Variants in ZNF655 observed in about 807,000 individuals in gnomAD.
The protein encoded by ZNF655 is Vav-interacting Kruppel-like protein 1.
ZNF655 carries 3 observed loss-of-function variants against 6.6 expected under a neutral mutation model. That is an observed-to-expected ratio of 0.46 (90% CI 0.21 to 1.18). ZNF655 has a LOEUF of 1.18. Among genes scored for constraint, ZNF655 ranks in the 50% most tolerant of loss-of-function variants. ZNF655 has a pLI of 0.24. For synonymous variants in ZNF655, 178 were observed against 195.0 expected (o/e 0.91, Z 0.73); for missense variants, 526 against 572.3 (o/e 0.92, Z 0.83).
chr7:99,571,385 A>T (rs1051406372), intron 2 of ZNF655: 7 of 1,237,548 alleles, frequency 5.7e-6, no homozygotes, highest in Middle Eastern at 2.2e-4. Context: ...TTTAGGTAAC[A>T]GATGGAGAGT....
Position 99,573,637 on chromosome 7 carries a change from G to C in ZNF655, c.*53G>C. ...CAAATTCAGGCTTCATTCAGCATCT[G>C]AGAGTTCACACCAGGGAGAAATCAT... On this transcript the variant is annotated 3_prime_UTR_variant, in exon 3 of 3. Transcript: ENST00000252713. The C allele has an allele frequency of 6.4e-7, 1 of 1,554,996 alleles. No homozygotes were observed. Among genetic ancestry groups the C allele is most frequent in the South Asian group, 1.2e-5 (1 of 82,218 alleles).
intron 2 of ZNF655, among the ~76,000 whole-genome samples, chr7:99,561,388 G>C: frequency 6.6e-6 from 1 of 152,020 alleles, no homozygotes; most frequent in East Asian, 1.9e-4. Context: ...GTGCTGTGGG[G>C]GATTGTGGGA....
Position 99,572,720 on chromosome 7 carries a change from C to T in ZNF655, c.612C>T (p.Ser204=). The T allele has an allele frequency of 6.2e-7, 1 of 1,613,162 alleles. No individual in the cohort carries two copies. Among genetic ancestry groups the T allele is most frequent in the African/African-American group, 1.3e-5 (1 of 74,992 alleles). Residue 204 remains serine (S), a synonymous_variant, in exon 3 of 3, where the codon AGC becomes AGT. Coordinates refer to ENST00000252713, the MANE Select transcript of ZNF655 (RefSeq NM_138494.3). ...MDLSHLNKWE[S]IPNTEKSYKC... The stretch of plus-strand genomic sequence containing the variant: ...TCTCCCACCTTAATAAATGGGAGAG[C>T]ATCCCTAACACTGAGAAATCCTATA...
Position 99,573,397 on chromosome 7 carries a change from A to C in ZNF655, c.1289A>C (p.His430Pro). 1.2e-6 allele frequency: 2 copies of C among 1,614,204 alleles called. No individual in the cohort carries two copies. Among genetic ancestry groups the C allele is most frequent in the Non-Finnish European group, 1.7e-6 (2 of 1,180,014 alleles). The change falls in exon 3 of 3, where the codon CAT becomes CCT. Residue 430 changes from histidine (H) to proline (P), a missense_variant. Physicochemically the swap from His to Pro is moderately conservative, Grantham distance 77. Coordinates refer to ENST00000252713, the MANE Select transcript of ZNF655 (RefSeq NM_138494.3). ...TSCLIQHHKMHRKEKSYECNE... is the reference protein window; with the variant it reads ...TSCLIQHHKMPRKEKSYECNE... Reference sequence around the variant, plus strand: ...TGCCTTATTCAGCATCACAAAATGCATAGGAAAGAGAAATCGTATGAATGT... The same window carrying C: ...TGCCTTATTCAGCATCACAAAATGCCTAGGAAAGAGAAATCGTATGAATGT...
At chr7:99,565,153 A>C (rs1028479890) in intron 2 of ZNF655, among the ~76,000 whole-genome samples, 4 of 151,906 alleles carry the variant, frequency 2.6e-5, no homozygotes, top group Non-Finnish European at 4.4e-5. Flanking sequence ...TTATTAATTT[A>C]ACTTTTTAGG....
chr7:99,573,397 A>G lies in ZNF655; in HGVS notation c.1289A>G (p.His430Arg). Residue 430 changes from histidine (H) to arginine (R), a missense_variant, in exon 3 of 3, where the codon CAT becomes CGT. His to Arg is a conservative substitution (Grantham distance 29). Transcript: ENST00000252713. ...TGCCTTATTCAGCATCACAAAATGC[A>G]TAGGAAAGAGAAATCGTATGAATGT... The part of the protein sequence containing the change: ...TSCLIQHHKM[H>R]RKEKSYECNE... The G allele has an allele frequency of 1.2e-6, 2 of 1,614,204 alleles. No homozygotes were observed. Among genetic ancestry groups the G allele is most frequent in the Non-Finnish European group, 1.7e-6 (2 of 1,180,014 alleles).
intron 2 of ZNF655, chr7:99,562,373 T>C (rs754467953): frequency 6.2e-7 from 1 of 1,614,106 alleles, no homozygotes; most frequent in Non-Finnish European, 8.5e-7. Flanking sequence ...TTCAGGAGTT[T>C]GTGACATTCG....
rs768049815 is a variant in ZNF655 at position 99,572,236 on chromosome 7, T to A, written c.137-9T>A. On this transcript the variant is annotated splice_polypyrimidine_tract_variant and intron_variant, in intron 2 of 2. Coordinates refer to ENST00000252713, the MANE Select transcript of ZNF655 (RefSeq NM_138494.3). ...TACATTTGCATTTTCTATTTATATA[T>A]TGTATCAGATGGAGAGACCAGAGAA... The A allele has an allele frequency of 5.7e-6, 9 of 1,567,648 alleles. 1 individual carries two copies. In the Admixed American group the frequency reaches 1.6e-4, roughly 27 times the overall value.
Position 99,558,823 on chromosome 7 carries a change from G to T in ZNF655, c.-28+36G>T, listed in dbSNP as rs6947941. 0.12 allele frequency: 18,319 copies of T among 152,352 alleles called. 1,394 individuals carry two copies. The highest frequency in any genetic ancestry group is 0.21 in the African/African-American group (8,568 of 41,496). The allele number at this position is 152,352 out of a possible 1,614,324, so 9.4% of individuals were successfully genotyped here. A position where few individuals can be genotyped will look rare whatever the true frequency, so the allele number is the denominator to read the frequency against. On this transcript the variant is annotated intron_variant, in intron 1 of 2. Transcript: ENST00000252713. The stretch of plus-strand genomic sequence containing the variant: ...GGAAGCCGTTTTGGGGTCGCAGCGG[G>T]GTGGCAGCTTGTTTTGCCTTCACGG...
intron 2 of ZNF655, among the ~76,000 whole-genome samples, chr7:99,567,874 C>A (rs1263232596): frequency 1.3e-5 from 2 of 151,806 alleles, no homozygotes; most frequent in African/African-American, 4.8e-5. Context: ...GCCTGACCAA[C>A]ATGGTGAAAC....
At chr7:99,560,088 C>CT (rs201559591) in intron 1 of ZNF655, among the ~76,000 whole-genome samples, 9,368 of 136,828 alleles carry the variant, frequency 0.068, 656 homozygotes, top group East Asian at 0.3. Context: ...TCTTTTTTTT[C>CT]TTTTTTTTTT....
intron 2 of ZNF655, chr7:99,571,189 C>T: frequency 8.0e-7 from 1 of 1,247,606 alleles, no homozygotes; most frequent in Non-Finnish European, 1.0e-6. Context: ...CTTATGTGTA[C>T]TGAAACAAAT....
chr7:99,571,792 G>A, intron 2 of ZNF655: 1 of 1,585,828 alleles, frequency 6.3e-7, no homozygotes, highest in Non-Finnish European at 8.6e-7. Context: ...TGACTGCTCA[G>A]GTGAGTAAGG....
rs377380685 is a variant in ZNF655, at chr7:99,561,912, C to G, written c.136+1217C>G. 4 of 1,592,346 alleles carry G rather than the reference C, an allele frequency of 2.5e-6. No individual in the cohort carries two copies. In the African/African-American group the frequency reaches 5.4e-5, roughly 22 times the overall value. ...GCTCCACCTGTTCCTCAGGTGCCTG[C>G]TCTTCCCCGTGAGGGAAGCCCAGGA... On this transcript the variant is annotated intron_variant, in intron 2 of 2. Transcript: ENST00000252713.
chr7:99,564,567 G>T, intron 2 of ZNF655: 1 of 985,510 alleles, frequency 1.0e-6, no homozygotes, highest in Non-Finnish European at 1.2e-6. Context: ...GGGGAGAAGG[G>T]AGGGCAAAGA....
At position 99,563,921 on chromosome 7, in the gene ZNF655, G is replaced by A. The variant is rs375499728; in HGVS notation, c.136+3226G>A. 233 of 1,613,508 alleles carry A rather than the reference G, an allele frequency of 1.4e-4. 2 individuals carry two copies. The highest frequency in any genetic ancestry group is 1.9e-4 in the Non-Finnish European group (219 of 1,179,880). Reference sequence around the variant, plus strand: ...ATAGTGTGAATTCCTGCCCGGCCCTGAGTCATACCCAGGCAAGTGCTTTCT... The same window carrying A: ...ATAGTGTGAATTCCTGCCCGGCCCTAAGTCATACCCAGGCAAGTGCTTTCT... On this transcript the variant is annotated intron_variant, in intron 2 of 2. Transcript: ENST00000252713.
At position 99,576,115 on chromosome 7, in the gene ZNF655, A is replaced by G. The variant is rs539495023; in HGVS notation, c.*2531A>G. ...TATAAAAATATGTTGCTCACTCTATAATCCTCCTATGGCTAACCTCTAGGA... is the reference window on the plus strand; with the variant it reads ...TATAAAAATATGTTGCTCACTCTATGATCCTCCTATGGCTAACCTCTAGGA... On this transcript the variant is annotated 3_prime_UTR_variant, in exon 3 of 3. Coordinates refer to ENST00000252713, the MANE Select transcript of ZNF655 (RefSeq NM_138494.3). 1 of 152,390 alleles carries G rather than the reference A, an allele frequency of 6.6e-6. No individual in the cohort carries two copies. Among genetic ancestry groups the G allele is most frequent in the South Asian group, 2.1e-4 (1 of 4,830 alleles). The allele number at this position is 152,390 out of a possible 1,614,324, so 9.4% of individuals were successfully genotyped here.
chr7:99,572,174 CATCT>C (rs1437689669), intron 2 of ZNF655, 67 bp from the exon 3 acceptor site: 3 of 1,459,130 alleles, frequency 2.1e-6, no homozygotes, highest in Non-Finnish European at 2.7e-6. Context: ...TTAGTTTTCT[CATCT>C]GAGTTTTCTT....
Position 99,572,373 on chromosome 7 carries a change from G to A in ZNF655, c.265G>A (p.Val89Met). The A allele has an allele frequency of 6.2e-7, 1 of 1,613,938 alleles. No homozygotes were observed. The highest frequency in any genetic ancestry group is 2.2e-5 in the East Asian group (1 of 44,860). Residue 89 changes from valine (V) to methionine (M), a missense_variant, in exon 3 of 3, where the codon GTG (valine) becomes ATG (methionine). Physicochemically the swap from Val to Met is conservative, Grantham distance 21. Coordinates refer to ENST00000252713, the MANE Select transcript of ZNF655 (RefSeq NM_138494.3). ...TACCCAAGTTCCTGAGACTAGAGAAGTGTATAAGTCTGAGGACAGATTAGA... is the reference window on the plus strand; with the variant it reads ...TACCCAAGTTCCTGAGACTAGAGAAATGTATAAGTCTGAGGACAGATTAGA... ...DITQVPETRE[V>M]YKSEDRLERL...
Sources: allele counts gnomAD v4.1 joint callset (sites outside exome capture counted in the v4.1 genomes callset), GRCh38; gene constraint gnomAD v4.1.1; transcripts MANE v1.5; gene names NCBI Gene and HGNC (gene_info 2026-07-23, HGNC 2026-07-21).